LYN: variants seen among roughly 807,000 people sequenced by gnomAD.
LYN encodes LYN proto-oncogene, Src family tyrosine kinase, also known as tyrosine-protein kinase Lyn.
Under a neutral mutation model 65.0 loss-of-function variants are expected in LYN, and 12 were observed. The ratio of observed to expected loss-of-function variants is 0.18; its 90% CI spans 0.12 to 0.30. LYN has a LOEUF of 0.30. LYN is among the 10% of genes least tolerant of loss of function. LYN has a pLI of 1.00. For synonymous variants in LYN, 222 were observed against 221.2 expected (o/e 1.00, Z -0.03); for missense variants, 380 against 623.2 (o/e 0.61, Z 4.16).
chr8:55,934,597 G>T lies in LYN; in HGVS notation c.-5-7258G>T, dbSNP rs560743170. On this transcript the variant is annotated intron_variant, in intron 1 of 12. Transcript: ENST00000519728. ...TGGAAACCTTGACAGGCAGAATGAG[G>T]GGAGCCCTGGGACAGCATCTGGCTG... Among the ~76,000 whole-genome samples the T allele has an allele frequency of 3.5e-4, 53 of 152,314 alleles. No individual in the cohort carries two copies. In the South Asian group the frequency reaches 0.011, roughly 32 times the overall value.
intron 12 of LYN, among the ~76,000 whole-genome samples, chr8:56,009,624 C>A (rs773346419): frequency 6.6e-5 from 10 of 152,286 alleles, no homozygotes; most frequent in Non-Finnish European, 1.5e-4. Flanking sequence ...GGATACTAGT[C>A]ATATTGGATT....
chr8:55,997,503 G>C (rs569482837), intron 10 of LYN, among the ~76,000 whole-genome samples: 1 of 152,140 alleles, frequency 6.6e-6, no homozygotes, highest in Non-Finnish European at 1.5e-5. Context: ...TCACGTGGTG[G>C]AAGGGGCAAG....
intron 10 of LYN, among the ~76,000 whole-genome samples, chr8:55,986,927 G>A (rs1053821811): frequency 3.7e-4 from 56 of 152,196 alleles, no homozygotes; most frequent in African/African-American, 1.3e-3. Context: ...GTCTTGTTAC[G>A]TTGTCCAGGG....
chr8:55,924,660 A>G (rs1414635151), intron 1 of LYN, among the ~76,000 whole-genome samples: 1 of 151,924 alleles, frequency 6.6e-6, no homozygotes, highest in African/African-American at 2.4e-5. Flanking sequence ...CACCGCGCCC[A>G]GCTGCATCCT....
intron 1 of LYN, among the ~76,000 whole-genome samples, chr8:55,888,770 T>C (rs552143226): frequency 1.3e-5 from 2 of 152,242 alleles, no homozygotes; most frequent in Admixed American, 1.3e-4. Context: ...AGAGTCTCAC[T>C]CTGTCATCCA....
At chr8:55,977,219 G>A (rs920406939) in intron 10 of LYN, among the ~76,000 whole-genome samples, 3 of 151,984 alleles carry the variant, frequency 2.0e-5, no homozygotes, top group African/African-American at 4.8e-5. Context: ...AAACTAGACC[G>A]GTTCATTCTC....
At chr8:55,887,980 G>A (rs11783784) in intron 1 of LYN, among the ~76,000 whole-genome samples, 62,430 of 151,980 alleles carry the variant, frequency 0.41, 13,251 homozygotes, top group East Asian at 0.67. Flanking sequence ...CAGAAGGCAG[G>A]TGGAAGCAGA....
rs577167806 is a variant in LYN at position 55,982,646 on chromosome 8, C to T, written c.1050+12853C>T. The stretch of plus-strand genomic sequence containing the variant: ...CACTCCTCCTTGCTGTGGTCAGCTC[C>T]GGCTGGCTTGCTGTTCCCAGCACAG... On this transcript the variant is annotated intron_variant, in intron 10 of 12. Transcript: ENST00000519728. Among the ~76,000 whole-genome samples, 5 of 152,254 alleles carry T rather than the reference C, an allele frequency of 3.3e-5. No homozygotes were observed. In the East Asian group the frequency reaches 7.7e-4, roughly 24 times the overall value.
chr8:55,942,801 A>AG (rs1226137817), intron 2 of LYN, among the ~76,000 whole-genome samples: 2 of 151,672 alleles, frequency 1.3e-5, no homozygotes, highest in Non-Finnish European at 2.9e-5. Context: ...AAAAAAAAAA[A>AG]AAGATGTAGT....
At chr8:55,988,612 C>G (rs1257416728) in intron 10 of LYN, among the ~76,000 whole-genome samples, 3 of 152,014 alleles carry the variant, frequency 2.0e-5, no homozygotes, top group Non-Finnish European at 4.4e-5. Flanking sequence ...AGGTAAAGCA[C>G]CAGGAAAATC....
intron 4 of LYN, among the ~76,000 whole-genome samples, chr8:55,949,933 A>G (rs1478342024): frequency 6.6e-6 from 1 of 152,144 alleles, no homozygotes; most frequent in African/African-American, 2.4e-5. Flanking sequence ...CAACTCTCCC[A>G]TTCTCTGCAG....
intron 1 of LYN, among the ~76,000 whole-genome samples, chr8:55,908,989 G>GTGTATATATATATATATATATATA (rs1379592685): frequency 2.0e-4 from 4 of 20,390 alleles, no homozygotes; most frequent in Admixed American, 4.3e-4. Flanking sequence ...CATTGTGTAT[G>GTGTATATATATATATATATATATA]TATATATATA....
intron 1 of LYN, among the ~76,000 whole-genome samples, chr8:55,906,265 A>G (rs1044607079): frequency 6.6e-6 from 1 of 152,172 alleles, no homozygotes; most frequent in Non-Finnish European, 1.5e-5. Context: ...ACAGTGGCTC[A>G]TGCCTGTAAT....
intron 1 of LYN, among the ~76,000 whole-genome samples, chr8:55,934,881 C>T (rs868606114): frequency 6.6e-6 from 1 of 152,202 alleles, no homozygotes; most frequent in South Asian, 2.1e-4. Context: ...TCCAACACTC[C>T]TTCAGACACC....
intron 1 of LYN, among the ~76,000 whole-genome samples, chr8:55,880,715 C>T (rs1804629645): frequency 6.6e-6 from 1 of 152,234 alleles, no homozygotes; most frequent in African/African-American, 2.4e-5. Context: ...GCTGCGGCGC[C>T]TCTCGGCCTG....
At chr8:55,950,602 T>C (rs775351023) in intron 5 of LYN, 45 bp downstream of exon 5, 50 of 1,567,390 alleles carry the variant, frequency 3.2e-5, no homozygotes, top group East Asian at 2.0e-4. Flanking sequence ...ATTTGCCACA[T>C]TGGATTTCTT....
intron 10 of LYN, among the ~76,000 whole-genome samples, chr8:55,979,073 A>C: frequency 2.3e-5 from 1 of 43,628 alleles, no homozygotes; most frequent in South Asian, 6.5e-4. Flanking sequence ...TTTTTTTTTG[A>C]GATGGAGTTT....
intron 1 of LYN, among the ~76,000 whole-genome samples, chr8:55,937,595 C>G (rs1806472032): frequency 1.3e-5 from 2 of 152,200 alleles, no homozygotes; most frequent in South Asian, 4.1e-4. Flanking sequence ...AATTCCAATG[C>G]AAGATTGCAT....
chr8:55,909,038 C>CTT (rs1563504913), intron 1 of LYN, among the ~76,000 whole-genome samples: 1 of 64,452 alleles, frequency 1.6e-5, no homozygotes, highest in Non-Finnish European at 2.9e-5. Flanking sequence ...CACACACACA[C>CTT]ACACACACAC....
Sources: allele counts gnomAD v4.1 joint callset (sites outside exome capture counted in the v4.1 genomes callset), GRCh38; gene constraint gnomAD v4.1.1; transcripts MANE v1.5; gene names NCBI Gene and HGNC (gene_info 2026-07-23, HGNC 2026-07-21).